UPP2: variants seen among roughly 807,000 people sequenced by gnomAD.
UPP2 encodes UPase 2.
Under a neutral mutation model 26.7 loss-of-function variants are expected in UPP2, and 23 were observed. The observed-to-expected ratio is 0.86, with a 90% CI of 0.62 to 1.22. UPP2 has a LOEUF of 1.22. UPP2 is among the 50% of genes most tolerant of loss of function. UPP2 has a pLI of 0.00. For missense variants in UPP2, 387 were observed against 396.7 expected, an observed-to-expected ratio of 0.98 and a Z score of 0.21; for synonymous variants, 127 against 141.3, an observed-to-expected ratio of 0.90 and a Z score of 0.72.
intron 1 of UPP2, among the ~76,000 whole-genome samples, chr2:158,102,487 T>C (rs1683097516): frequency 6.6e-6 from 1 of 152,160 alleles, no homozygotes; most frequent in Non-Finnish European, 1.5e-5. Context: ...TGAGAAATAA[T>C]TAAAAGGGCC....
chr2:158,041,565 G>A (rs373393379), intron 3 of UPP2, among the ~76,000 whole-genome samples: 4 of 152,166 alleles, frequency 2.6e-5, no homozygotes, highest in East Asian at 3.8e-4. Context: ...TGTAGGATAT[G>A]CAATTTCACT....
At chr2:158,106,962 C>T (rs1683209806) in intron 2 of UPP2, among the ~76,000 whole-genome samples, 1 of 152,176 alleles carries the variant, frequency 6.6e-6, no homozygotes, top group South Asian at 2.1e-4. Flanking sequence ...TTTAGGTTTA[C>T]ATCATTAACA....
intron 3 of UPP2, among the ~76,000 whole-genome samples, chr2:158,052,760 T>G (rs1161043586): frequency 6.6e-6 from 1 of 152,104 alleles, no homozygotes; most frequent in Non-Finnish European, 1.5e-5. Flanking sequence ...TTATCTAGAG[T>G]AGGAACTGGT....
At chr2:158,009,043 A>C (rs1055785179) in intron 2 of UPP2, among the ~76,000 whole-genome samples, 4 of 152,176 alleles carry the variant, frequency 2.6e-5, no homozygotes, top group African/African-American at 9.6e-5. Flanking sequence ...CAGACTACAT[A>C]TGATGGTCTC....
chr2:158,010,520 T>A (rs1222233511), intron 2 of UPP2, among the ~76,000 whole-genome samples: 1 of 152,218 alleles, frequency 6.6e-6, no homozygotes, highest in Non-Finnish European at 1.5e-5. Flanking sequence ...TTTTCACAGT[T>A]ACGGGCATAA....
chr2:158,090,990 T>G (rs1372858133), intron 3 of UPP2, among the ~76,000 whole-genome samples: 1 of 152,202 alleles, frequency 6.6e-6, no homozygotes, highest in Non-Finnish European at 1.5e-5. Context: ...TCCCAATGAC[T>G]GTCTTGAATG....
intron 3 of UPP2, among the ~76,000 whole-genome samples, chr2:158,053,998 A>G (rs1682203010): frequency 6.6e-6 from 1 of 152,206 alleles, no homozygotes; most frequent in Non-Finnish European, 1.5e-5. Context: ...GCTGTGTTGA[A>G]TAAAAGTCTG....
In UPP2 at chr2:158,063,760, C is replaced by T. The variant is rs59928147; in HGVS notation, c.148-38280C>T. Reference sequence around the variant, plus strand: ...TATCCCTCCCTTAGCCTCCACCCCCCGACAGGTCTTGGCGTGTGATGTTCC... The same window carrying T: ...TATCCCTCCCTTAGCCTCCACCCCCTGACAGGTCTTGGCGTGTGATGTTCC... On this transcript the variant is annotated intron_variant, in intron 3 of 9. Coordinates refer to the UPP2 transcript ENST00000605860. Among the ~76,000 whole-genome samples the T allele has an allele frequency of 5.3e-3, 809 of 152,274 alleles. 5 individuals carry two copies. Among genetic ancestry groups the T allele is most frequent in the African/African-American group, 0.017 (693 of 41,548 alleles).
chr2:158,012,168 A>T (rs1273501747), intron 2 of UPP2, among the ~76,000 whole-genome samples: 2 of 150,040 alleles, frequency 1.3e-5, no homozygotes, highest in Admixed American at 1.3e-4. Context: ...AAAGAGTTTG[A>T]TTGCTAATCA....
intron 3 of UPP2, among the ~76,000 whole-genome samples, chr2:158,069,194 T>A (rs1682497511): frequency 6.6e-6 from 1 of 152,122 alleles, no homozygotes; most frequent in African/African-American, 2.4e-5. Flanking sequence ...TGAACTCCTA[T>A]CTTTTAGGAA....
intron 3 of UPP2, among the ~76,000 whole-genome samples, chr2:158,071,914 T>C (rs1225935614): frequency 6.6e-6 from 1 of 152,056 alleles, no homozygotes; most frequent in African/African-American, 2.4e-5. Context: ...CAGCGACTAC[T>C]ATGAAAGACT....
At chr2:158,004,201 T>G (rs1683451571) in intron 2 of UPP2, among the ~76,000 whole-genome samples, 1 of 152,146 alleles carries the variant, frequency 6.6e-6, no homozygotes, top group South Asian at 2.1e-4. Flanking sequence ...AATTAGTAAA[T>G]CTTGCTAGTG....
At chr2:158,019,351 A>G (rs1683710809) in intron 3 of UPP2, among the ~76,000 whole-genome samples, 1 of 152,106 alleles carries the variant, frequency 6.6e-6, no homozygotes, top group Non-Finnish European at 1.5e-5. Context: ...CTGGAGAGAT[A>G]TACAGATCCA....
intron 3 of UPP2, among the ~76,000 whole-genome samples, chr2:158,037,104 G>A (rs1313612809): frequency 2.0e-5 from 3 of 152,184 alleles, no homozygotes; most frequent in African/African-American, 4.8e-5. Flanking sequence ...GCTGGGTGTG[G>A]TGGCTCACAC....
At chr2:157,995,327 A>C in intron 2 of UPP2, 1 of 1,538,406 alleles carries the variant, frequency 6.5e-7, no homozygotes, top group Non-Finnish European at 9.0e-7. Context: ...TCCAAGTCTC[A>C]GTACAAATTA....
At chr2:158,066,232 C>A (rs144731657) in intron 3 of UPP2, among the ~76,000 whole-genome samples, 454 of 152,262 alleles carry the variant, frequency 3.0e-3, no homozygotes, top group South Asian at 9.1e-3. Flanking sequence ...GATTTGGCAA[C>A]CTCTGTGTTT....
chr2:158,066,261 T>C (rs895009538), intron 3 of UPP2, among the ~76,000 whole-genome samples: 1 of 152,244 alleles, frequency 6.6e-6, no homozygotes, highest in African/African-American at 2.4e-5. Context: ...GTCAACCTAT[T>C]TGGACACTTG....
At chr2:158,112,542 G>A (rs1270792697) in intron 2 of UPP2, among the ~76,000 whole-genome samples, 5 of 151,702 alleles carry the variant, frequency 3.3e-5, no homozygotes, top group African/African-American at 1.2e-4. Context: ...CCTTGGATTA[G>A]GAAATGATTT....
chr2:158,072,579 G>A (rs1182429264), intron 3 of UPP2, among the ~76,000 whole-genome samples: 4 of 152,118 alleles, frequency 2.6e-5, no homozygotes, highest in African/African-American at 9.7e-5. Context: ...AGTGGTGGTG[G>A]CCACAGGGCT....
Sources: allele counts gnomAD v4.1 joint callset (sites outside exome capture counted in the v4.1 genomes callset), GRCh38; gene constraint gnomAD v4.1.1; transcripts MANE v1.5; gene names NCBI Gene and HGNC (gene_info 2026-07-23, HGNC 2026-07-21).